Variants in TANGO6 observed in about 807,000 individuals in gnomAD.
The protein encoded by TANGO6 is transport and Golgi organization protein 6 homolog.
Under a neutral mutation model 114.2 loss-of-function variants are expected in TANGO6, and 90 were observed. The ratio of observed to expected loss-of-function variants is 0.79; its 90% CI spans 0.66 to 0.94. TANGO6 has a LOEUF of 0.94. TANGO6 is among the 40% of genes least tolerant of loss of function. The probability of loss-of-function intolerance (pLI) is 0.00; values close to 1 mark genes in which losing one functional copy is unlikely to be tolerated. For missense variants in TANGO6, 1,274 were observed against 1,315.3 expected (o/e 0.97, Z 0.49); for synonymous variants, 477 against 509.8 (o/e 0.94, Z 0.87).
intron 17 of TANGO6, among the ~76,000 whole-genome samples, chr16:69,076,334 C>T (rs934241991): frequency 1.3e-5 from 2 of 151,184 alleles, no homozygotes; most frequent in Non-Finnish European, 1.5e-5. Context: ...TCAGGTGATC[C>T]GCCTGCCTTG....
intron 12 of TANGO6, among the ~76,000 whole-genome samples, chr16:68,925,166 C>G (rs1457511708): frequency 6.6e-6 from 1 of 152,042 alleles, no homozygotes; most frequent in African/African-American, 2.4e-5. Flanking sequence ...CAAAAATTAG[C>G]CAGGCATGGT....
At chr16:68,943,916 TA>T (rs1231056595) in intron 14 of TANGO6, among the ~76,000 whole-genome samples, 27 of 152,290 alleles carry the variant, frequency 1.8e-4, no homozygotes, top group Non-Finnish European at 3.7e-4. Context: ...AAAAGAGAGT[TA>T]GCTTAGAGCA....
intron 11 of TANGO6, among the ~76,000 whole-genome samples, chr16:68,911,740 T>G (rs1597016386): frequency 1.3e-5 from 2 of 152,288 alleles, no homozygotes; most frequent in East Asian, 1.9e-4. Flanking sequence ...AATACCATTT[T>G]CTACTAAAAG....
At chr16:68,909,573 G>T in intron 11 of TANGO6, 171 bp downstream of exon 11, 4 of 506,924 alleles carry the variant, frequency 7.9e-6, no homozygotes, top group Non-Finnish European at 1.2e-5. Flanking sequence ...AATCCAAAAC[G>T]TTCCAGTGTC....
In TANGO6 at chr16:68,884,959, G is replaced by T. The variant is rs189022854; in HGVS notation, c.1377+4329G>T. Among the ~76,000 whole-genome samples, 9 of 152,324 alleles carry T rather than the reference G, an allele frequency of 5.9e-5. No homozygotes were observed. In the East Asian group the frequency reaches 1.7e-3, roughly 29 times the overall value. ...TTGGCACTGTTGTGAAACTAAGAGGGGTGGAAGGGTAATTATTCTCTCTGC... is the reference window on the plus strand; with the variant it reads ...TTGGCACTGTTGTGAAACTAAGAGGTGTGGAAGGGTAATTATTCTCTCTGC... On this transcript the variant is annotated intron_variant, in intron 7 of 17. Transcript: ENST00000261778.
At chr16:68,859,220 G>C (rs1271094842) in intron 1 of TANGO6, among the ~76,000 whole-genome samples, 3 of 152,136 alleles carry the variant, frequency 2.0e-5, no homozygotes, top group African/African-American at 7.2e-5. Flanking sequence ...ACCCAGGCTA[G>C]AGTGCGGTGG....
chr16:69,019,300 A>G (rs1959361228), intron 15 of TANGO6, among the ~76,000 whole-genome samples: 1 of 152,194 alleles, frequency 6.6e-6, no homozygotes, highest in African/African-American at 2.4e-5. Flanking sequence ...TGACAATTCA[A>G]ATCTCCTCTT....
At chr16:68,882,763 A>G (rs752533861) in intron 7 of TANGO6, among the ~76,000 whole-genome samples, 2 of 152,172 alleles carry the variant, frequency 1.3e-5, no homozygotes, top group African/African-American at 4.8e-5. Flanking sequence ...TCATGCCTGT[A>G]ATCCCAACAC....
At position 68,862,952 on chromosome 16, in the gene TANGO6, C is replaced by G. The variant is rs1400441172; in HGVS notation, c.743C>G (p.Thr248Ser). 1 of 1,590,344 alleles carries G rather than the reference C, an allele frequency of 6.3e-7. No individual in the cohort carries two copies. Among genetic ancestry groups the G allele is most frequent in the East Asian group, 2.3e-5 (1 of 44,098 alleles). Residue 248 changes from threonine (T) to serine (S), a missense_variant, in exon 3 of 18, where the codon ACT becomes AGT. Thr to Ser is a moderately conservative substitution (Grantham distance 58). This residue lies in a region of TANGO6 where 908 missense variants were observed against 910.2 expected (regional missense o/e 1.00). Coordinates refer to ENST00000261778, the MANE Select transcript of TANGO6 (RefSeq NM_024562.2). ...KLLTPAEEVL[T>S]EEERTLSRGA... ...AGTGCATATTTCTTTTAGGTTCTAACTGAAGAGGAGAGAACCCTATCCAGG... is the reference window on the plus strand; with the variant it reads ...AGTGCATATTTCTTTTAGGTTCTAAGTGAAGAGGAGAGAACCCTATCCAGG...
chr16:69,066,325 C>T (rs780097555), intron 17 of TANGO6, among the ~76,000 whole-genome samples: 1 of 152,060 alleles, frequency 6.6e-6, no homozygotes, highest in South Asian at 2.1e-4. Flanking sequence ...GATGGCGTCT[C>T]GCTCTGTTGC....
chr16:68,971,831 C>T (rs549096884), intron 14 of TANGO6, among the ~76,000 whole-genome samples: 34 of 151,948 alleles, frequency 2.2e-4, no homozygotes, highest in South Asian at 6.2e-4. Flanking sequence ...CGGGGTTTCA[C>T]CATGTTGGCC....
At chr16:68,866,284 G>A (rs1403922558) in intron 3 of TANGO6, among the ~76,000 whole-genome samples, 1 of 151,214 alleles carries the variant, frequency 6.6e-6, no homozygotes, top group Non-Finnish European at 1.5e-5. Context: ...CTCTTTTGAA[G>A]TCTGTATAGC....
intron 15 of TANGO6, among the ~76,000 whole-genome samples, chr16:68,996,932 G>A (rs1019104983): frequency 6.6e-6 from 1 of 152,134 alleles, no homozygotes; most frequent in Non-Finnish European, 1.5e-5. Flanking sequence ...AAAGACTCCA[G>A]TTCTTCATCT....
chr16:69,076,039 A>G (rs1960371959), intron 17 of TANGO6, among the ~76,000 whole-genome samples: 1 of 149,930 alleles, frequency 6.7e-6, no homozygotes, highest in African/African-American at 2.5e-5. Context: ...TTGGGATTAC[A>G]GGCGTGAGCC....
chr16:68,989,902 C>T (rs984551061), intron 15 of TANGO6, among the ~76,000 whole-genome samples: 1 of 152,128 alleles, frequency 6.6e-6, no homozygotes, highest in Non-Finnish European at 1.5e-5. Flanking sequence ...TTTCTGAGAT[C>T]CAAGAGATAA....
At chr16:68,900,626 T>G in intron 8 of TANGO6, 80 bp downstream of exon 8, 1 of 1,123,738 alleles carries the variant, frequency 8.9e-7, no homozygotes, top group East Asian at 2.4e-5. Flanking sequence ...ATTTTGAATT[T>G]ATATTTGCCA....
At chr16:68,888,468 C>G (rs1597006314) in intron 7 of TANGO6, among the ~76,000 whole-genome samples, 1 of 152,102 alleles carries the variant, frequency 6.6e-6, no homozygotes, top group Admixed American at 6.6e-5. Flanking sequence ...AAAACGTTTC[C>G]TTTTAGTATA....
At chr16:69,057,578 T>C (rs1434647823) in intron 17 of TANGO6, among the ~76,000 whole-genome samples, 3 of 152,158 alleles carry the variant, frequency 2.0e-5, no homozygotes, top group Non-Finnish European at 4.4e-5. Flanking sequence ...TCACACACCA[T>C]TTTCTATGTC....
chr16:68,886,782 A>G (rs548542279), intron 7 of TANGO6, among the ~76,000 whole-genome samples: 1 of 151,286 alleles, frequency 6.6e-6, no homozygotes, highest in African/African-American at 2.4e-5. Flanking sequence ...AAGTGCTGGG[A>G]TTATAGGCAT....
Sources: gnomAD v4.1 joint callset for allele counts (sites outside exome capture counted in the v4.1 genomes callset) on GRCh38, gnomAD v4.1.1 for gene constraint, gnomAD v4.1.1 regional missense constraint, MANE v1.5 for transcripts, NCBI Gene and HGNC (gene_info 2026-07-23, HGNC 2026-07-21) for gene names.